The following ERBB4 variants were observed in gnomAD, a reference collection of about 807,000 sequenced individuals.
ERBB4 encodes erb-b2 receptor tyrosine kinase 4, also known as receptor tyrosine-protein kinase erbB-4.
A neutral mutation model predicts 158.0 loss-of-function variants in ERBB4; 42 were observed. That is an observed-to-expected ratio of 0.27 (90% CI 0.21 to 0.34). The LOEUF is 0.34. Among genes scored for constraint, ERBB4 ranks in the 10% least tolerant of loss-of-function variants. The pLI, the probability that ERBB4 is intolerant of heterozygous loss-of-function variation, is 1.00. For missense variants in ERBB4, 1,333 were observed against 1,624.1 expected, an observed-to-expected ratio of 0.82 and a Z score of 3.08; for synonymous variants, 583 against 558.7, an observed-to-expected ratio of 1.04 and a Z score of -0.61.
intron 2 of ERBB4, among the ~76,000 whole-genome samples, chr2:211,947,976 T>A (rs1224296584): frequency 6.6e-6 from 1 of 152,152 alleles, no homozygotes; most frequent in Non-Finnish European, 1.5e-5. Context: ...AGTCAAACTT[T>A]AAATAAAAAA....
chr2:212,021,514 C>G (rs1434631589), intron 2 of ERBB4, among the ~76,000 whole-genome samples: 1 of 152,092 alleles, frequency 6.6e-6, no homozygotes, highest in African/African-American at 2.4e-5. Context: ...AACTGGTTAG[C>G]TATATGCAGA....
intron 3 of ERBB4, among the ~76,000 whole-genome samples, chr2:211,940,006 T>TAGATAGATAGATAGATAGATAGATAGGC (rs1210326694): frequency 6.6e-6 from 1 of 150,776 alleles, no homozygotes; most frequent in Non-Finnish European, 1.5e-5. Flanking sequence ...GATAGATAGA[T>TAGATAGATAGATAGATAGATAGATAGGC]AGAGATAGAT....
intron 20 of ERBB4, among the ~76,000 whole-genome samples, chr2:211,528,255 G>A (rs1157422956): frequency 6.6e-6 from 1 of 151,858 alleles, no homozygotes; most frequent in Non-Finnish European, 1.5e-5. Flanking sequence ...TATAAGAGAA[G>A]ACAAAGCAGG....
intron 20 of ERBB4, among the ~76,000 whole-genome samples, chr2:211,536,352 C>A (rs1366144343): frequency 7.0e-6 from 1 of 142,100 alleles, no homozygotes; most frequent in Non-Finnish European, 1.5e-5. Context: ...AAATAGAAGT[C>A]ATTGGGTATG....
In ERBB4 at chr2:211,386,865, T is replaced by C; in HGVS notation, c.3469A>G (p.Lys1157Glu). Residue 1157 changes from lysine to glutamate, a missense_variant, in exon 27 of 28, where the codon AAA becomes GAA. Transcript: ENST00000342788. ...EEGYMTPMRD[K>E]PKQEYLNPVE... ...AATCAGTTCATACCTTGTTTGGGTT[T>C]GTCTCGCATAGGAGTCATGTAACCT... The C allele has an allele frequency of 6.2e-7, 1 of 1,614,206 alleles. No homozygotes were observed. Among genetic ancestry groups the C allele is most frequent in the Non-Finnish European group, 8.5e-7 (1 of 1,180,012 alleles).
At chr2:212,381,581 T>C (rs1017528247) in intron 1 of ERBB4, among the ~76,000 whole-genome samples, 1 of 151,334 alleles carries the variant, frequency 6.6e-6, no homozygotes, top group Non-Finnish European at 1.5e-5. Flanking sequence ...ATCAACCATT[T>C]TGAGTTAAAA....
chr2:212,491,722 G>A (rs1179283810), intron 1 of ERBB4, among the ~76,000 whole-genome samples: 2 of 151,384 alleles, frequency 1.3e-5, no homozygotes, highest in East Asian at 3.9e-4. Flanking sequence ...TATCATTTTT[G>A]GCATGCTCAT....
intron 1 of ERBB4, among the ~76,000 whole-genome samples, chr2:212,337,730 T>C (rs1396689048): frequency 2.0e-5 from 3 of 152,106 alleles, no homozygotes. Context: ...AGCAAGAAGT[T>C]TCAACATCAA....
At chr2:212,483,746 C>CT (rs10648878) in intron 1 of ERBB4, among the ~76,000 whole-genome samples, 11,496 of 151,828 alleles carry the variant, frequency 0.076, 650 homozygotes, top group African/African-American at 0.15. Flanking sequence ...TCATCATGGT[C>CT]TTTTTTTTGA....
chr2:212,061,453 CAAAAAAAA>C (rs754237880), intron 2 of ERBB4, among the ~76,000 whole-genome samples: 3 of 22,828 alleles, frequency 1.3e-4, no homozygotes, highest in East Asian at 2.8e-3. Flanking sequence ...ACTCTGTCTC[CAAAAAAAA>C]AAAAAAAAAA....
chr2:211,697,095 CTT>C (rs879314862), intron 12 of ERBB4, among the ~76,000 whole-genome samples: 2,141 of 152,292 alleles, frequency 0.014, 25 homozygotes, highest in African/African-American at 0.031. Context: ...TATCATTTAA[CTT>C]TCTTAATGTA....
intron 4 of ERBB4, 58 bp downstream of exon 4, chr2:211,787,967 A>G: frequency 1.3e-6 from 2 of 1,540,756 alleles, no homozygotes; most frequent in Non-Finnish European, 1.8e-6. Flanking sequence ...AGCATAACTC[A>G]TTCATCGCCA....
At chr2:212,470,677 C>T (rs1042177215) in intron 1 of ERBB4, among the ~76,000 whole-genome samples, 4 of 152,010 alleles carry the variant, frequency 2.6e-5, no homozygotes, top group African/African-American at 9.7e-5. Context: ...TTTTCTAGTT[C>T]CTGTTTCAGT....
intron 2 of ERBB4, among the ~76,000 whole-genome samples, chr2:212,030,899 G>T (rs898875006): frequency 2.6e-5 from 4 of 152,136 alleles, no homozygotes; most frequent in Admixed American, 2.0e-4. Context: ...GTACTAAAAA[G>T]ACATGGGGGA....
intron 16 of ERBB4, among the ~76,000 whole-genome samples, chr2:211,644,280 TA>T (rs2105862180): frequency 6.6e-6 from 1 of 152,194 alleles, no homozygotes; most frequent in African/African-American, 2.4e-5. Flanking sequence ...AAGCATTTAA[TA>T]ACAATGTTTA....
chr2:211,978,162 A>G (rs914726612), intron 2 of ERBB4, among the ~76,000 whole-genome samples: 1 of 151,870 alleles, frequency 6.6e-6, no homozygotes, highest in Non-Finnish European at 1.5e-5. Context: ...CTCACTATGA[A>G]AGAGACTGCA....
At chr2:211,614,970 T>C (rs1166634323) in intron 19 of ERBB4, among the ~76,000 whole-genome samples, 1 of 152,090 alleles carries the variant, frequency 6.6e-6, no homozygotes, top group Non-Finnish European at 1.5e-5. Context: ...CATAATAAAG[T>C]CAGATGACTT....
At chr2:211,730,460 C>T (rs2074392598) in intron 5 of ERBB4, among the ~76,000 whole-genome samples, 1 of 151,870 alleles carries the variant, frequency 6.6e-6, no homozygotes. Flanking sequence ...CCATCTCCTT[C>T]CTCTTTCCCT....
At chr2:211,576,776 ACT>A (rs2067906219) in intron 19 of ERBB4, among the ~76,000 whole-genome samples, 2 of 152,160 alleles carry the variant, frequency 1.3e-5, no homozygotes, top group Non-Finnish European at 2.9e-5. Context: ...TCCTATGATA[ACT>A]CTTTCAAGAG....
Sources: gnomAD v4.1 joint callset for allele counts (sites outside exome capture counted in the v4.1 genomes callset) on GRCh38, gnomAD v4.1.1 for gene constraint, MANE v1.5 for transcripts, NCBI Gene and HGNC (gene_info 2026-07-23, HGNC 2026-07-21) for gene names.